CLCNKB: variants seen among roughly 807,000 people sequenced by gnomAD.
The protein encoded by CLCNKB is chloride channel protein ClC-Kb.
In CLCNKB, 74 loss-of-function variants were observed where a neutral mutation model predicts 83.8. The ratio of observed to expected loss-of-function variants is 0.88; its 90% CI spans 0.73 to 1.07. CLCNKB has a LOEUF of 1.07. CLCNKB is among the 50% of genes least tolerant of loss of function. CLCNKB has a pLI of 0.00. For missense variants in CLCNKB, 798 were observed against 893.6 expected (o/e 0.89, Z 1.36); for synonymous variants, 358 against 356.6 (o/e 1.00, Z -0.04).
intron 4 of CLCNKB, 43 bp from the exon 5 acceptor site, chr1:16,047,862 C>T (rs776848221): frequency 5.0e-6 from 8 of 1,607,264 alleles, no homozygotes; most frequent in South Asian, 4.4e-5. Flanking sequence ...AGATTTTTAA[C>T]CTAGAGATTG....
intron 10 of CLCNKB, among the ~76,000 whole-genome samples, chr1:16,050,260 A>G (rs1269285248): frequency 2.6e-5 from 4 of 151,596 alleles, no homozygotes; most frequent in Admixed American, 6.6e-5. Flanking sequence ...CAGGTGCATG[A>G]GCCCTGCCCT....
chr1:16,044,402 T>C (rs1432365953), intron 1 of CLCNKB, 84 bp from the exon 2 acceptor site: 28 of 988,854 alleles, frequency 2.8e-5, no homozygotes, highest in Admixed American at 1.0e-4. Flanking sequence ...TCTTCATGGG[T>C]GGGGAGAGCA....
chr1:16,044,419 G>A, intron 1 of CLCNKB, 67 bp from the exon 2 acceptor site: 1 of 1,282,082 alleles, frequency 7.8e-7, no homozygotes, highest in Non-Finnish European at 1.1e-6. Context: ...AGCACTGGAA[G>A]GGCCTAGAGG....
At chr1:16,046,211 C>T (rs912070450) in intron 3 of CLCNKB, among the ~76,000 whole-genome samples, 4 of 152,248 alleles carry the variant, frequency 2.6e-5, no homozygotes, top group African/African-American at 9.6e-5. Flanking sequence ...ATGTAGTTCT[C>T]AGTGGCCCTT....
chr1:16,054,267 A>G (rs1295285708), intron 16 of CLCNKB, among the ~76,000 whole-genome samples: 1 of 152,192 alleles, frequency 6.6e-6, no homozygotes, highest in African/African-American at 2.4e-5. Flanking sequence ...TTTAGAAGAT[A>G]AGGCGGGGTT....
chr1:16,055,843 T>G, intron 18 of CLCNKB, 85 bp downstream of exon 18: 1 of 1,258,848 alleles, frequency 7.9e-7, no homozygotes, highest in Non-Finnish European at 1.1e-6. Context: ...CAGCCTCCCC[T>G]CCCAACCCCG....
At chr1:16,048,171 T>A in intron 5 of CLCNKB, 127 bp downstream of exon 5, 2 of 1,450,946 alleles carry the variant, frequency 1.4e-6, no homozygotes, top group Non-Finnish European at 1.9e-6. Context: ...AGGAACTCAG[T>A]CTTGGGGGAA....
rs746075912 is a variant in CLCNKB at position 16,051,760 on chromosome 1, G to A, written c.1348G>A (p.Glu450Lys). The A allele has an allele frequency of 5.6e-6, 9 of 1,613,938 alleles. No homozygotes were observed. In the South Asian group the frequency reaches 9.9e-5, roughly 18 times the overall value. Residue 450 changes from glutamate to lysine, a missense_variant, in exon 14 of 20, where the codon GAG becomes AAG. Coordinates refer to ENST00000375679, the MANE Select transcript of CLCNKB (RefSeq NM_000085.5). Reference protein sequence around the residue: ...FGETLSFIFPEGIVAGGITNP... With the variant: ...FGETLSFIFPKGIVAGGITNP... ...GGAGACTCTCTCTTTTATCTTCCCT[G>A]AGGGCATCGTGGCTGGAGGGATCAC...
In CLCNKB at chr1:16,047,957, C is replaced by T. The variant is rs749207932; in HGVS notation, c.411C>T (p.Asp137=). Residue 137 remains aspartate (D), a synonymous_variant, in exon 5 of 20, where the codon GAC becomes GAT. Transcript: ENST00000375679. ...TGTTGGCGGGTGTGGTCTTGGAGGA[C>T]TACCTGGATATCAAGAACTTTGGGG... is the stretch of plus-strand genomic sequence containing the variant. ...KTMLAGVVLE[D]YLDIKNFGAK... is the part of the protein sequence containing the mutation. 1.9e-6 allele frequency: 3 copies of T among 1,613,964 alleles called. No homozygotes were observed. Among genetic ancestry groups the T allele is most frequent in the Non-Finnish European group, 2.5e-6 (3 of 1,180,020 alleles).
intron 2 of CLCNKB, among the ~76,000 whole-genome samples, chr1:16,045,138 G>T (rs2023062697): frequency 6.6e-6 from 1 of 152,166 alleles, no homozygotes. Flanking sequence ...CATTGCTGGG[G>T]ACCCAGAGGA....
intron 4 of CLCNKB, among the ~76,000 whole-genome samples, chr1:16,046,958 C>G (rs1434586167): frequency 1.3e-5 from 2 of 152,202 alleles, no homozygotes; most frequent in African/African-American, 4.8e-5. Flanking sequence ...ACAGCTCCCC[C>G]AGGCCGCTCA....
In CLCNKB at chr1:16,050,660, G is replaced by A. The variant is rs527849197; in HGVS notation, c.1053+60G>A. ...AAGCCCTATTTGTTGCCTCCTTTGC[G>A]TGTATCTCACTTAATCCCCCCAATA... On this transcript the variant is annotated intron_variant, in intron 11 of 19. Coordinates refer to ENST00000375679, the MANE Select transcript of CLCNKB (RefSeq NM_000085.5). 26 of 1,559,148 alleles carry A rather than the reference G, an allele frequency of 1.7e-5. 1 individual carries two copies. In the South Asian group the frequency reaches 2.1e-4, roughly 13 times the overall value.
At chr1:16,055,313 A>T in intron 16 of CLCNKB, 122 bp from the exon 17 acceptor site, 2 of 811,040 alleles carry the variant, frequency 2.5e-6, no homozygotes, top group Non-Finnish European at 4.2e-6. Context: ...ATAATGGGTG[A>T]CAATAGTCAC....
Position 16,049,164 on chromosome 1 carries a change from T to C in CLCNKB, c.700T>C (p.Trp234Arg), listed in dbSNP as rs144517772. The C allele has an allele frequency of 3.4e-4, 546 of 1,613,402 alleles. 2 individuals are homozygous for C. Among genetic ancestry groups the C allele is most frequent in the African/African-American group, 1.9e-3 (142 of 75,006 alleles). Residue 234 changes from tryptophan to arginine, a missense_variant, in exon 8 of 20, where the codon TGG becomes CGG. By Grantham distance (101) the Trp-to-Arg change is moderately radical. Coordinates refer to ENST00000375679, the MANE Select transcript of CLCNKB (RefSeq NM_000085.5). ...IEVMSSHFSV[W>R]DYWRGFFAAT... ...GGTCATGTCTTCCCACTTCTCTGTC[T>C]GGGATTACTGGAGGGGCTTCTTTGC...
rs1250750103 is a variant in CLCNKB at position 16,049,531 on chromosome 1, C to G, written c.782-87C>G. ...CAGATTCCGAGTCAGGACCTGGCAC[C>G]CCCTCCACCCTGGGCTGTTAGTCTG... On this transcript the variant is annotated intron_variant, in intron 8 of 19. Transcript: ENST00000375679. 5.4e-6 allele frequency: 7 copies of G among 1,306,416 alleles called. No homozygotes were observed. The East Asian group carries it at 1.8e-4, about 33-fold the overall frequency. The allele number at this position is 1,306,416 out of a possible 1,614,324, so 80.9% of individuals were successfully genotyped here. A position where few individuals can be genotyped will look rare whatever the true frequency, so the allele number is the denominator to read the frequency against.
chr1:16,056,279 T>G, intron 18 of CLCNKB, 143 bp from the exon 19 acceptor site: 2 of 886,854 alleles, frequency 2.3e-6, no homozygotes, highest in Non-Finnish European at 3.8e-6. Context: ...AGTGGCCACA[T>G]TGGACATTGC....
intron 2 of CLCNKB, among the ~76,000 whole-genome samples, chr1:16,045,147 G>A (rs781121236): frequency 1.3e-5 from 2 of 152,160 alleles, no homozygotes; most frequent in Non-Finnish European, 2.9e-5. Context: ...GGACCCAGAG[G>A]ATACCTGGCG....
At chr1:16,044,393 C>T (rs1163447110) in intron 1 of CLCNKB, 93 bp from the exon 2 acceptor site, 17 of 842,444 alleles carry the variant, frequency 2.0e-5, no homozygotes, top group Non-Finnish European at 3.0e-5. Context: ...AATCTTTCCT[C>T]TTCATGGGTG....
chr1:16,049,207 T>C lies in CLCNKB; in HGVS notation c.743T>C (p.Phe248Ser). Residue 248 changes from phenylalanine to serine, a missense_variant, in exon 8 of 20, where the codon TTC becomes TCC. Phe to Ser is a radical substitution (Grantham distance 155, BLOSUM62 -2). Coordinates refer to ENST00000375679, the MANE Select transcript of CLCNKB (RefSeq NM_000085.5). The part of the protein sequence containing the change: ...RGFFAATCGA[F>S]MFRLLAVFNS... Reference sequence around the variant, plus strand: ...TTCTTTGCGGCCACCTGCGGGGCCTTCATGTTCCGGCTCCTGGCGGTCTTC... The same window carrying C: ...TTCTTTGCGGCCACCTGCGGGGCCTCCATGTTCCGGCTCCTGGCGGTCTTC... The C allele has an allele frequency of 6.2e-7, 1 of 1,613,774 alleles. No homozygotes were observed. Among genetic ancestry groups the C allele is most frequent in the South Asian group, 1.1e-5 (1 of 91,074 alleles).
Sources: gnomAD v4.1 joint callset for allele counts (sites outside exome capture counted in the v4.1 genomes callset) on GRCh38, gnomAD v4.1.1 for gene constraint, MANE v1.5 for transcripts, NCBI Gene and HGNC (gene_info 2026-07-23, HGNC 2026-07-21) for gene names.